Variants in ADPRHL1 observed in about 807,000 individuals in gnomAD.
ADPRHL1 encodes inactive ADP-ribosyltransferase ARH2.
A neutral mutation model predicts 44.1 loss-of-function variants in ADPRHL1; 43 were observed. The ratio of observed to expected loss-of-function variants is 0.98; its 90% confidence interval spans 0.76 to 1.26. ADPRHL1 has a LOEUF of 1.26. Ranked by LOEUF, ADPRHL1 falls within the 50% of genes most tolerant of loss-of-function variation. ADPRHL1 has a pLI of 0.00. For missense variants in ADPRHL1, 2,022 were observed against 2,496.9 expected (o/e 0.81, Z 4.05); for synonymous variants, 878 against 1,017.4 (o/e 0.86, Z 2.61).
Position 113,404,731 on chromosome 13 carries a change from CT to C in ADPRHL1, c.4550del (p.Gln1517ArgfsTer46). The C allele has an allele frequency of 1.3e-5, 16 of 1,278,408 alleles. No individual in the cohort carries two copies. The highest frequency in any genetic ancestry group is 1.6e-5 in the Non-Finnish European group (16 of 1,018,102). The allele number at this position is 1,278,408 out of a possible 1,614,324, so 79.2% of individuals were successfully genotyped here. On this transcript the variant is annotated frameshift_variant, in exon 8 of 8. Transcript: ENST00000612156. LOFTEE classifies it low-confidence loss of function (END_TRUNC). Reference protein sequence around the residue: ...QAQWQTQIEAQGQAQEQAQGG... With the variant: ...QAQWQTQIEAXGQAQEQAQGG... ...CCTGAGCCTGTTCCTGTGCCTGCCCCTGGGCCTCTATCTGGGTCTGCCACTG... is the reference window on the plus strand; with the variant it reads ...CCTGAGCCTGTTCCTGTGCCTGCCCCGGGCCTCTATCTGGGTCTGCCACTG...
intron 3 of ADPRHL1, among the ~76,000 whole-genome samples, chr13:113,429,946 T>C (rs901195847): frequency 1.2e-4 from 19 of 152,376 alleles, no homozygotes; most frequent in African/African-American, 4.6e-4. Flanking sequence ...CGAGTATATA[T>C]GTATTTAATA....
intron 7 of ADPRHL1, among the ~76,000 whole-genome samples, chr13:113,421,066 C>T (rs2043915774): frequency 6.8e-6 from 1 of 146,020 alleles, no homozygotes; most frequent in South Asian, 2.2e-4. Flanking sequence ...CATCCCTACC[C>T]CCAGGACATG....
chr13:113,434,550 C>T (rs1481350059), intron 2 of ADPRHL1, among the ~76,000 whole-genome samples: 3 of 146,534 alleles, frequency 2.0e-5, no homozygotes, highest in African/African-American at 5.1e-5. Context: ...TACCCCGGGA[C>T]CCGGCACCCA....
At position 113,404,477 on chromosome 13, in the gene ADPRHL1, C is replaced by T; in HGVS notation, c.4805G>A (p.Gly1602Glu). ...TTCCTGGGCCCATTTCTGAACCTCT[C>T]CTTGAACCTGTTTCTGGGCCTGTCC... ...IQGQAQKQVQ[G>E]EVQKWAQEEA... Residue 1602 changes from glycine (G) to glutamate (E), a missense_variant, in exon 8 of 8, where the codon GGA becomes GAA. By Grantham distance (98) the Gly-to-Glu change is moderately conservative. Transcript: ENST00000612156. 2 of 1,299,440 alleles carry T rather than the reference C, an allele frequency of 1.5e-6. No homozygotes were observed. The highest frequency in any genetic ancestry group is 1.9e-6 in the Non-Finnish European group (2 of 1,031,746). 80.5% of individuals were successfully genotyped at this position (1,299,440 alleles called of 1,614,324 possible).
intron 7 of ADPRHL1, among the ~76,000 whole-genome samples, chr13:113,416,771 A>G (rs1222608400): frequency 6.6e-6 from 1 of 152,240 alleles, no homozygotes; most frequent in Non-Finnish European, 1.5e-5. Context: ...ATTTTGAATA[A>G]GCAAACAGTG....
chr13:113,410,001 GCT>G, intron 7 of ADPRHL1: 5 of 985,344 alleles, frequency 5.1e-6, no homozygotes, highest in Non-Finnish European at 6.0e-6. Flanking sequence ...AAAAGAGAGA[GCT>G]CTGTTTTGAA....
At chr13:113,437,473 T>C (rs2044069575) in intron 2 of ADPRHL1, among the ~76,000 whole-genome samples, 1 of 152,148 alleles carries the variant, frequency 6.6e-6, no homozygotes, top group Non-Finnish European at 1.5e-5. Context: ...CTGCAATCCG[T>C]CCTCCTGCCT....
intron 2 of ADPRHL1, among the ~76,000 whole-genome samples, chr13:113,438,656 T>C (rs1422970001): frequency 8.5e-5 from 13 of 152,136 alleles, no homozygotes; most frequent in Non-Finnish European, 1.5e-5. Flanking sequence ...ATTGTGCCAC[T>C]GGGTGACAGA....
At chr13:113,422,736 A>C in intron 7 of ADPRHL1, 90 bp downstream of exon 7, 7 of 1,543,234 alleles carry the variant, frequency 4.5e-6, no homozygotes, top group Non-Finnish European at 6.1e-6. Context: ...AGCCTCACAG[A>C]GACACCCTCA....
At chr13:113,433,061 C>T (rs2044018479) in intron 3 of ADPRHL1, among the ~76,000 whole-genome samples, 2 of 152,182 alleles carry the variant, frequency 1.3e-5, no homozygotes, top group African/African-American at 4.8e-5. Context: ...TGGCACAGAC[C>T]ACAAGGACGG....
chr13:113,409,249 G>C lies in ADPRHL1; in HGVS notation c.1062-1029C>G, dbSNP rs2043832850. 1.0e-6 allele frequency: 1 copy of C among 975,344 alleles called. No homozygotes were observed. The highest frequency in any genetic ancestry group is 4.7e-5 in the South Asian group (1 of 21,120). The allele number at this position is 975,344 out of a possible 1,614,324, so 60.4% of individuals were successfully genotyped here. On this transcript the variant is annotated intron_variant, in intron 7 of 7. Coordinates refer to ENST00000612156, the MANE Select transcript of ADPRHL1 (RefSeq NM_001394807.1). The surrounding 1 kb of genome is among the most constrained non-coding windows in gnomAD (Gnocchi z 4.2). ...TGCTCCTGAGCAGCCGTGACCACAG[G>C]AGCAAAGCTGGAAGGTCTCCCCATC...
chr13:113,424,179 A>AC, intron 6 of ADPRHL1, 38 bp downstream of exon 6: 3 of 1,610,374 alleles, frequency 1.9e-6, no homozygotes, highest in Non-Finnish European at 2.5e-6. Context: ...GAAGGGTGCT[A>AC]CCCTCCAGGA....
At position 113,407,639 on chromosome 13, in the gene ADPRHL1, A is replaced by G. The variant is rs1268002363; in HGVS notation, c.1643T>C (p.Leu548Pro). Reference protein sequence around the residue: ...LPKIMGKSSVLSKLREKFEQN... With the variant: ...LPKIMGKSSVPSKLREKFEQN... ...CTCGAACTTCTCCCGCAGCTTGGACAGCACCGAGCTCTTGCCCATGATCTT... is the reference window on the plus strand; with the variant it reads ...CTCGAACTTCTCCCGCAGCTTGGACGGCACCGAGCTCTTGCCCATGATCTT... Residue 548 changes from leucine (L) to proline (P), a missense_variant, in exon 8 of 8, where the codon CTG (leucine) becomes CCG (proline). By Grantham distance (98) the Leu-to-Pro change is moderately conservative. Around this residue, in one of 8 missense-constraint regions of ADPRHL1, gnomAD observed 1,221 missense variants for 1,517.8 expected, o/e 0.80. Coordinates refer to ENST00000612156, the MANE Select transcript of ADPRHL1 (RefSeq NM_001394807.1). 4 of 1,231,934 alleles carry G rather than the reference A, an allele frequency of 3.2e-6. No homozygotes were observed. The highest frequency in any genetic ancestry group is 1.6e-5 in the African/African-American group (1 of 64,442). The allele number at this position is 1,231,934 out of a possible 1,614,324, so 76.3% of individuals were successfully genotyped here. A position where few individuals can be genotyped will look rare whatever the true frequency, so the allele number is the denominator to read the frequency against.
At chr13:113,420,288 T>C (rs1267008879) in intron 7 of ADPRHL1, among the ~76,000 whole-genome samples, 10 of 152,072 alleles carry the variant, frequency 6.6e-5, no homozygotes, top group African/African-American at 2.4e-4. Context: ...TGCTTGTGGA[T>C]TTTGTGTTTG....
At chr13:113,434,208 A>T (rs1289417978) in intron 2 of ADPRHL1, among the ~76,000 whole-genome samples, 1 of 152,142 alleles carries the variant, frequency 6.6e-6, no homozygotes, top group Admixed American at 6.5e-5. Context: ...AACTAGGCAT[A>T]ATGAAACATG....
intron 5 of ADPRHL1, 103 bp downstream of exon 5, chr13:113,424,949 T>A: frequency 7.3e-7 from 1 of 1,368,798 alleles, no homozygotes; most frequent in South Asian, 1.3e-5. Context: ...CATCTATCCA[T>A]CCATCCATTC....
chr13:113,404,395 C>A lies in ADPRHL1; in HGVS notation c.4887G>T (p.Gln1629His). Residue 1629 changes from glutamine to histidine, a missense_variant, in exon 8 of 8, where the codon CAG (glutamine) becomes CAT (histidine). This residue lies in a region of ADPRHL1 where 78 missense variants were observed against 76.5 expected (regional missense o/e 1.02). Coordinates refer to ENST00000612156, the MANE Select transcript of ADPRHL1 (RefSeq NM_001394807.1). ...QTQIKAQKWA[Q>H]EQTQKGAQER... ...CCTGAGCCCCTTTCTGGGTCTGTTC[C>A]TGAGCCCATTTCTGGGCCTTTATCT... 7.5e-7 allele frequency: 1 copy of A among 1,331,286 alleles called. No homozygotes were observed. Among genetic ancestry groups the A allele is most frequent in the Non-Finnish European group, 9.5e-7 (1 of 1,049,108 alleles). 82.5% of individuals were successfully genotyped at this position (1,331,286 alleles called of 1,614,324 possible).
intron 6 of ADPRHL1, among the ~76,000 whole-genome samples, chr13:113,423,814 A>G (rs181169509): frequency 2.6e-4 from 39 of 152,356 alleles, no homozygotes; most frequent in African/African-American, 8.9e-4. Context: ...AAAGGACAAG[A>G]TGACGGTGAC....
Position 113,404,287 on chromosome 13 carries a change from C to G in ADPRHL1, c.4995G>C (p.Gln1665His), listed in dbSNP as rs1445087725. 2 of 1,330,506 alleles carry G rather than the reference C, an allele frequency of 1.5e-6. No homozygotes were observed. The highest frequency in any genetic ancestry group is 3.9e-5 in the Admixed American group (1 of 25,560). The allele number at this position is 1,330,506 out of a possible 1,614,324, so 82.4% of individuals were successfully genotyped here. The change falls in exon 8 of 8, where the codon CAG becomes CAC. Residue 1665 changes from glutamine to histidine, a missense_variant. Around this residue, in one of 8 missense-constraint regions of ADPRHL1, gnomAD observed 25 missense variants for 50.2 expected, o/e 0.50. Transcript: ENST00000612156. ...QAQEQTQIEA[Q>H]GQAQKGAQER... is the part of the protein sequence containing the mutation. Reference sequence around the variant, plus strand: ...CCTGAGCCCCCTTCTGGGCCTGACCCTGAGCCTCTATCTGGGTCTGCTCCT... The same window carrying G: ...CCTGAGCCCCCTTCTGGGCCTGACCGTGAGCCTCTATCTGGGTCTGCTCCT...
Sources: allele counts gnomAD v4.1 joint callset (sites outside exome capture counted in the v4.1 genomes callset), GRCh38; gene constraint gnomAD v4.1.1; regional missense constraint gnomAD v4.1.1; non-coding constraint Gnocchi (gnomAD v3.1); transcripts MANE v1.5; gene names NCBI Gene and HGNC (gene_info 2026-07-23, HGNC 2026-07-21).